NOPCHAP1: variants seen among roughly 807,000 people sequenced by gnomAD.
The protein encoded by NOPCHAP1 is DNA damage-sensitive RNA 1.
NOPCHAP1 carries 13 observed loss-of-function variants against 14.0 expected under a neutral mutation model. That is an observed-to-expected ratio of 0.93 (90% CI 0.60 to 1.47). NOPCHAP1 has a LOEUF of 1.47. Ranked by LOEUF, NOPCHAP1 falls within the 40% of genes most tolerant of loss-of-function variation. The probability of loss-of-function intolerance (pLI) is 0.00; values close to 1 mark genes in which losing one functional copy is unlikely to be tolerated. For synonymous variants in NOPCHAP1, 78 were observed against 78.4 expected, an observed-to-expected ratio of 1.00 and a Z score of 0.03; for missense variants, 230 against 226.9, an observed-to-expected ratio of 1.01 and a Z score of -0.09.
In NOPCHAP1 at chr12:104,994,989, G is replaced by A. The variant is rs949739450; in HGVS notation, c.*293G>A. 14 of 357,826 alleles carry A rather than the reference G, an allele frequency of 3.9e-5. No homozygotes were observed. The highest frequency in any genetic ancestry group is 2.8e-4 in the African/African-American group (13 of 46,012). 22.2% of individuals were successfully genotyped at this position (357,826 alleles called of 1,614,324 possible). On this transcript the variant is annotated 3_prime_UTR_variant, in exon 4 of 4. Transcript: ENST00000552951. ...GAATAACTTGATGGGTTACAGCTAG[G>A]TGTTTGCCTAAATAAGGCAAAGAGG... is the stretch of plus-strand genomic sequence containing the variant.
Position 105,006,865 on chromosome 12 carries a change from A to G in NOPCHAP1, c.*12169A>G, listed in dbSNP as rs995346493. 6.6e-6 allele frequency: 1 copy of G among 150,530 alleles called. No individual in the cohort carries two copies. The highest frequency in any genetic ancestry group is 1.5e-5 in the Non-Finnish European group (1 of 67,646). The allele number at this position is 150,530 out of a possible 1,614,324, so 9.3% of individuals were successfully genotyped here. On this transcript the variant is annotated 3_prime_UTR_variant, in exon 4 of 4. Coordinates refer to ENST00000552951, the MANE Select transcript of NOPCHAP1 (RefSeq NM_152318.3). ...GTCATAGGGGTTTGGTGTGCAGATTATTTCGTTTGTGGCATTTTTTTTTTC... is the reference window on the plus strand; with the variant it reads ...GTCATAGGGGTTTGGTGTGCAGATTGTTTCGTTTGTGGCATTTTTTTTTTC...
rs1056187028 is a variant in NOPCHAP1 at position 105,002,917 on chromosome 12, C to G, written c.*8221C>G. 1.3e-5 allele frequency: 2 copies of G among 152,138 alleles called. No individual in the cohort carries two copies. Among genetic ancestry groups the G allele is most frequent in the African/African-American group, 4.8e-5 (2 of 41,422 alleles). 9.4% of individuals were successfully genotyped at this position (152,138 alleles called of 1,614,324 possible). A position where few individuals can be genotyped will look rare whatever the true frequency, so the allele number is the denominator to read the frequency against. ...GAATCCCATTTTGTAAGGCATTTGT[C>G]TAACTTGCCTTTTCTCATTATCTTT... is the stretch of plus-strand genomic sequence containing the variant. On this transcript the variant is annotated 3_prime_UTR_variant, in exon 4 of 4. Transcript: ENST00000552951.
rs1315188139 is a variant in NOPCHAP1 at position 105,012,437 on chromosome 12, C to G, written c.*17741C>G. 1 of 152,164 alleles carries G rather than the reference C, an allele frequency of 6.6e-6. No homozygotes were observed. The highest frequency in any genetic ancestry group is 1.5e-5 in the Non-Finnish European group (1 of 68,044). The allele number at this position is 152,164 out of a possible 1,614,324, so 9.4% of individuals were successfully genotyped here. Reference sequence around the variant, plus strand: ...TCCTTGCATTGGGTTAGAACATGCTCCTTTAGCTCGGAGGAATTTGTTATT... The same window carrying G: ...TCCTTGCATTGGGTTAGAACATGCTGCTTTAGCTCGGAGGAATTTGTTATT... On this transcript the variant is annotated 3_prime_UTR_variant, in exon 4 of 4. Transcript: ENST00000552951.
chr12:104,986,327 C>G lies in NOPCHAP1; in HGVS notation c.-26C>G. The G allele has an allele frequency of 6.3e-7, 1 of 1,578,658 alleles. No individual in the cohort carries two copies. The highest frequency in any genetic ancestry group is 8.6e-7 in the Non-Finnish European group (1 of 1,159,016). The stretch of plus-strand genomic sequence containing the variant: ...CCCGAGCCTTTTTCCTGCATCCGGG[C>G]CTGAGAGTGCAGGCTTGAGGGAAGC... On this transcript the variant is annotated 5_prime_UTR_variant, in exon 1 of 4. Coordinates refer to ENST00000552951, the MANE Select transcript of NOPCHAP1 (RefSeq NM_152318.3).
At chr12:104,986,560 C>T in intron 1 of NOPCHAP1, 93 bp downstream of exon 1, 1 of 1,077,006 alleles carries the variant, frequency 9.3e-7, no homozygotes, top group Non-Finnish European at 1.3e-6. Context: ...GCTCCCTGCC[C>T]GGGCTCCGTA....
rs1324316717 is a variant in NOPCHAP1, at chr12:105,015,017, G to T, written c.*20321G>T. 6.6e-6 allele frequency: 1 copy of T among 152,160 alleles called. No homozygotes were observed. The highest frequency in any genetic ancestry group is 1.9e-4 in the East Asian group (1 of 5,202). The allele number at this position is 152,160 out of a possible 1,614,324, so 9.4% of individuals were successfully genotyped here. A position where few individuals can be genotyped will look rare whatever the true frequency, so the allele number is the denominator to read the frequency against. The stretch of plus-strand genomic sequence containing the variant: ...TGTTTTCGGGTTTTCTTTGAATTCT[G>T]TTCTTTCCAATTCTTCACATTGGCC... On this transcript the variant is annotated 3_prime_UTR_variant, in exon 4 of 4. Coordinates refer to ENST00000552951, the MANE Select transcript of NOPCHAP1 (RefSeq NM_152318.3).
At position 105,009,831 on chromosome 12, in the gene NOPCHAP1, A is replaced by G. The variant is rs1441430792; in HGVS notation, c.*15135A>G. On this transcript the variant is annotated 3_prime_UTR_variant, in exon 4 of 4. Transcript: ENST00000552951. ...GATGAAGCTGACTTGATTGTGGTGGATAAGCTTTTTGATGTGCTGCTGGAT... is the reference window on the plus strand; with the variant it reads ...GATGAAGCTGACTTGATTGTGGTGGGTAAGCTTTTTGATGTGCTGCTGGAT... The G allele has an allele frequency of 2.0e-5, 3 of 152,204 alleles. No individual in the cohort carries two copies. Among genetic ancestry groups the G allele is most frequent in the Non-Finnish European group, 4.4e-5 (3 of 68,052 alleles). The allele number at this position is 152,204 out of a possible 1,614,324, so 9.4% of individuals were successfully genotyped here.
In NOPCHAP1 at chr12:105,002,624, C is replaced by G. The variant is rs73193626; in HGVS notation, c.*7928C>G. ...TTTTCTAGGTCTCATTGGCCCTACT[C>G]TTGATGAGGTTTTGGGGGAGTCTTT... On this transcript the variant is annotated 3_prime_UTR_variant, in exon 4 of 4. Coordinates refer to ENST00000552951, the MANE Select transcript of NOPCHAP1 (RefSeq NM_152318.3). 1 of 152,086 alleles carries G rather than the reference C, an allele frequency of 6.6e-6. No homozygotes were observed. The allele number at this position is 152,086 out of a possible 1,614,324, so 9.4% of individuals were successfully genotyped here.
chr12:104,986,328 C>G lies in NOPCHAP1; in HGVS notation c.-25C>G. Reference sequence around the variant, plus strand: ...CCGAGCCTTTTTCCTGCATCCGGGCCTGAGAGTGCAGGCTTGAGGGAAGCA... The same window carrying G: ...CCGAGCCTTTTTCCTGCATCCGGGCGTGAGAGTGCAGGCTTGAGGGAAGCA... On this transcript the variant is annotated 5_prime_UTR_variant, in exon 1 of 4. Transcript: ENST00000552951. The G allele has an allele frequency of 6.3e-7, 1 of 1,582,044 alleles. No individual in the cohort carries two copies. The highest frequency in any genetic ancestry group is 8.6e-7 in the Non-Finnish European group (1 of 1,161,478).
In NOPCHAP1 at chr12:104,986,366, G is replaced by A. The variant is rs1225201049; in HGVS notation, c.14G>A (p.Gly5Asp). ...CTTGAGGGAAGCATGGAGGTCCATG[G>A]CAAGCCCAAGGCTAGCCCGAGTTGT... MEVH[G>D]KPKASPSCSS... Residue 5 changes from glycine (G) to aspartate (D), a missense_variant, in exon 1 of 4, where the codon GGC becomes GAC. Coordinates refer to ENST00000552951, the MANE Select transcript of NOPCHAP1 (RefSeq NM_152318.3). 1 of 1,609,632 alleles carries A rather than the reference G, an allele frequency of 6.2e-7. No homozygotes were observed. The highest frequency in any genetic ancestry group is 1.1e-5 in the South Asian group (1 of 90,028).
rs1323661367 is a variant in NOPCHAP1 at position 105,010,569 on chromosome 12, G to A, written c.*15873G>A. The A allele has an allele frequency of 1.3e-5, 2 of 152,140 alleles. No homozygotes were observed. Among genetic ancestry groups the A allele is most frequent in the Non-Finnish European group, 2.9e-5 (2 of 68,032 alleles). 9.4% of individuals were successfully genotyped at this position (152,140 alleles called of 1,614,324 possible). ...TCTGGTTCTTTTAATTGTGATGTTA[G>A]AGTATCGATTTTAGATCTTTCCCGC... On this transcript the variant is annotated 3_prime_UTR_variant, in exon 4 of 4. Transcript: ENST00000552951.
At position 105,007,057 on chromosome 12, in the gene NOPCHAP1, A is replaced by G. The variant is rs1215422424; in HGVS notation, c.*12361A>G. ...TTTTTTTTTTTAAGTCAAACCTCTA[A>G]AATTATCAAAGCATCTTATGCTGGC... On this transcript the variant is annotated 3_prime_UTR_variant, in exon 4 of 4. Transcript: ENST00000552951. 2 of 151,474 alleles carry G rather than the reference A, an allele frequency of 1.3e-5. No homozygotes were observed. Among genetic ancestry groups the G allele is most frequent in the East Asian group, 3.9e-4 (2 of 5,180 alleles). 9.4% of individuals were successfully genotyped at this position (151,474 alleles called of 1,614,324 possible).
Position 104,998,691 on chromosome 12 carries a change from A to G in NOPCHAP1, c.*3995A>G, listed in dbSNP as rs115556548. On this transcript the variant is annotated 3_prime_UTR_variant, in exon 4 of 4. Coordinates refer to ENST00000552951, the MANE Select transcript of NOPCHAP1 (RefSeq NM_152318.3). The stretch of plus-strand genomic sequence containing the variant: ...GCAATAGCAGTGGGGTGCGGTGCAC[A>G]CTCATCAGCTTCAGAGGGGTGCTGG... 274 of 152,514 alleles carry G rather than the reference A, an allele frequency of 1.8e-3. 1 individual carries two copies. Among genetic ancestry groups the G allele is most frequent in the African/African-American group, 5.7e-3 (236 of 41,576 alleles). The allele number at this position is 152,514 out of a possible 1,614,324, so 9.4% of individuals were successfully genotyped here. A position where few individuals can be genotyped will look rare whatever the true frequency, so the allele number is the denominator to read the frequency against.
In NOPCHAP1 at chr12:104,988,186, C is replaced by T. The variant is rs758820285; in HGVS notation, c.135C>T (p.Leu45=). The T allele has an allele frequency of 2.0e-5, 33 of 1,612,204 alleles. No homozygotes were observed. Among genetic ancestry groups the T allele is most frequent in the Admixed American group, 5.0e-5 (3 of 59,946 alleles). Residue 45 remains leucine (L), a synonymous_variant, in exon 2 of 4, where the codon CTC becomes CTT. Transcript: ENST00000552951. ...DGRGGIWDRL[L]INSQPKSRKT... ...TTTCAGGTATATGGGACAGGTTGCTCATCAACTCCCAACCTAAGTCCAGAA... is the reference window on the plus strand; with the variant it reads ...TTTCAGGTATATGGGACAGGTTGCTTATCAACTCCCAACCTAAGTCCAGAA...
In NOPCHAP1 at chr12:105,012,612, C is replaced by T. The variant is rs1873853991; in HGVS notation, c.*17916C>T. ...CAGCCTTTTTGCGCTGGGTTTTCCTCATCTTCCTGGATTTACCTACCTTTG... is the reference window on the plus strand; with the variant it reads ...CAGCCTTTTTGCGCTGGGTTTTCCTTATCTTCCTGGATTTACCTACCTTTG... On this transcript the variant is annotated 3_prime_UTR_variant, in exon 4 of 4. Coordinates refer to ENST00000552951, the MANE Select transcript of NOPCHAP1 (RefSeq NM_152318.3). 2 of 152,224 alleles carry T rather than the reference C, an allele frequency of 1.3e-5. No individual in the cohort carries two copies. The highest frequency in any genetic ancestry group is 2.9e-5 in the Non-Finnish European group (2 of 68,062). 9.4% of individuals were successfully genotyped at this position (152,224 alleles called of 1,614,324 possible).
chr12:104,994,407 C>G (rs1401058635), intron 3 of NOPCHAP1, 71 bp from the exon 4 acceptor site: 1 of 1,347,170 alleles, frequency 7.4e-7, no homozygotes, highest in African/African-American at 1.4e-5. Flanking sequence ...TTGGTTCTTC[C>G]CAATATTGTT....
At position 105,008,559 on chromosome 12, in the gene NOPCHAP1, T is replaced by C. The variant is rs1873751395; in HGVS notation, c.*13863T>C. On this transcript the variant is annotated 3_prime_UTR_variant, in exon 4 of 4. Coordinates refer to ENST00000552951, the MANE Select transcript of NOPCHAP1 (RefSeq NM_152318.3). The stretch of plus-strand genomic sequence containing the variant: ...TGTTTAGTCATGAAGTCTCTGCCAA[T>C]GTCTGTGTCCTAAATGGTATTGCCT... 1 of 152,216 alleles carries C rather than the reference T, an allele frequency of 6.6e-6. No homozygotes were observed. 9.4% of individuals were successfully genotyped at this position (152,216 alleles called of 1,614,324 possible). A position where few individuals can be genotyped will look rare whatever the true frequency, so the allele number is the denominator to read the frequency against.
chr12:104,991,611 G>GGTT, intron 2 of NOPCHAP1, 101 bp from the exon 3 acceptor site: 5 of 1,204,090 alleles, frequency 4.2e-6, no homozygotes, highest in South Asian at 1.6e-5. Context: ...ATGTAATTAT[G>GGTT]GTTGTTATTA....
In NOPCHAP1 at chr12:105,001,269, C is replaced by A. The variant is rs1324437751; in HGVS notation, c.*6573C>A. 3.3e-5 allele frequency: 5 copies of A among 152,126 alleles called. No individual in the cohort carries two copies. Among genetic ancestry groups the A allele is most frequent in the Non-Finnish European group, 7.4e-5 (5 of 68,006 alleles). The allele number at this position is 152,126 out of a possible 1,614,324, so 9.4% of individuals were successfully genotyped here. ...CCTTCCTACATGATAAAGCTTCTAT[C>A]CGTCTAGAGAACACAAAGACTTTTA... On this transcript the variant is annotated 3_prime_UTR_variant, in exon 4 of 4. Coordinates refer to ENST00000552951, the MANE Select transcript of NOPCHAP1 (RefSeq NM_152318.3).
Sources: gnomAD v4.1 joint callset for allele counts on GRCh38, gnomAD v4.1.1 for gene constraint, MANE v1.5 for transcripts, NCBI Gene and HGNC (gene_info 2026-07-23, HGNC 2026-07-21) for gene names.